Variants in NLGN4X observed in about 807,000 individuals in gnomAD.
The protein encoded by NLGN4X is neuroligin-4, X-linked.
A neutral mutation model predicts 40.3 loss-of-function variants in NLGN4X; 3 were observed. The observed-to-expected ratio is 0.07, with a 90% CI of 0.03 to 0.19. The LOEUF (loss-of-function observed/expected upper bound fraction) is 0.19, where lower values mean the gene tolerates loss of function less well. Ranked by LOEUF, NLGN4X falls within the 10% of genes least tolerant of loss-of-function variation. NLGN4X has a pLI of 1.00. For synonymous variants in NLGN4X, 270 were observed against 306.8 expected (o/e 0.88, Z 1.25); for missense variants, 382 against 708.3 (o/e 0.54, Z 5.23).
intron 1 of NLGN4X, among the ~76,000 whole-genome samples, chrX:6,213,652 G>A (rs762040451): frequency 9.8e-5 from 11 of 112,248 alleles, no homozygotes; most frequent in African/African-American, 3.2e-4. Context: ...AAACAGTAGC[G>A]CACAAATGTC....
At chrX:6,225,860 A>G (rs2147920876) in intron 1 of NLGN4X, among the ~76,000 whole-genome samples, 1 of 99,949 alleles carries the variant, frequency 1.0e-5, no homozygotes, top group African/African-American at 3.7e-5. Flanking sequence ...AAAGCATAAG[A>G]TAAGAGCAAC....
At chrX:6,081,564 T>C (rs1038994173) in intron 2 of NLGN4X, among the ~76,000 whole-genome samples, 3 of 112,258 alleles carry the variant, frequency 2.7e-5, no homozygotes, top group African/African-American at 6.5e-5. Context: ...ACTGGCCTGC[T>C]TGACAAAGGG....
rs143853403 is a variant in NLGN4X at position 6,079,528 on chromosome X, T to C, written c.473-50096A>G. On this transcript the variant is annotated intron_variant, in intron 2 of 5. Coordinates refer to ENST00000381095, the MANE Select transcript of NLGN4X (RefSeq NM_181332.3). The stretch of plus-strand genomic sequence containing the variant: ...TCCTAAGACCACCTTCCCTATTTTA[T>C]ATGCTTGAGCCTGTCTTTACTTTTT... Among the ~76,000 whole-genome samples, 98 of 112,223 alleles carry C rather than the reference T, an allele frequency of 8.7e-4. No homozygotes were observed. The East Asian group carries it at 0.026, about 30-fold the overall frequency.
intron 2 of NLGN4X, among the ~76,000 whole-genome samples, chrX:6,102,673 T>TAC (rs752673839): frequency 3.1e-3 from 345 of 110,883 alleles, no homozygotes; most frequent in African/African-American, 9.1e-3. Context: ...CATACATACA[T>TAC]AGACAGATAG....
chrX:5,908,340 GAATT>G (rs1468894908), intron 4 of NLGN4X, among the ~76,000 whole-genome samples: 1 of 110,727 alleles, frequency 9.0e-6, no homozygotes, highest in African/African-American at 3.3e-5. Context: ...AAGATTTAAA[GAATT>G]AATATGAATT....
chrX:5,952,433 C>A (rs2034343943), intron 3 of NLGN4X, among the ~76,000 whole-genome samples: 1 of 109,096 alleles, frequency 9.2e-6, no homozygotes, highest in African/African-American at 3.4e-5. Context: ...TTACGTAAGA[C>A]CCTCTATGGC....
chrX:6,145,996 T>C (rs761133777), intron 2 of NLGN4X, among the ~76,000 whole-genome samples: 2 of 109,607 alleles, frequency 1.8e-5, no homozygotes, highest in East Asian at 5.8e-4. Context: ...GCACCTGTAG[T>C]CCCAGCTACT....
intron 2 of NLGN4X, among the ~76,000 whole-genome samples, chrX:6,093,124 C>T (rs1000729243): frequency 9.0e-6 from 1 of 111,219 alleles, no homozygotes; most frequent in Non-Finnish European, 1.9e-5. Context: ...AAATTTTAGC[C>T]CTTGCCAAAG....
intron 2 of NLGN4X, among the ~76,000 whole-genome samples, chrX:6,140,557 A>C (rs1476386346): frequency 9.1e-6 from 1 of 109,853 alleles, no homozygotes; most frequent in African/African-American, 3.3e-5. Context: ...AGATACGTAA[A>C]GTCTAACAAG....
At chrX:6,159,407 G>C (rs1301916963) in intron 1 of NLGN4X, among the ~76,000 whole-genome samples, 1 of 111,997 alleles carries the variant, frequency 8.9e-6, no homozygotes, top group Non-Finnish European at 1.9e-5. Flanking sequence ...TTATGACTAT[G>C]ATTATTTTAC....
At chrX:5,938,648 C>G (rs1405985434) in intron 3 of NLGN4X, among the ~76,000 whole-genome samples, 1 of 110,636 alleles carries the variant, frequency 9.0e-6, no homozygotes, top group Admixed American at 9.7e-5. Flanking sequence ...AAGCAATGGT[C>G]AAAGGCCATG....
Position 5,893,090 on chromosome X carries a change from G to A in NLGN4X, c.2178C>T (p.Asn726=), listed in dbSNP as rs187221748. 7.4e-5 allele frequency: 90 copies of A among 1,209,509 alleles called. No homozygotes were observed. The highest frequency in any genetic ancestry group is 6.9e-4 in the Middle Eastern group (3 of 4,349). The change falls in exon 6 of 6, where the codon AAC becomes AAT. Residue 726 remains asparagine, a synonymous_variant. Transcript: ENST00000381095. ...TCATCTGCAGAGACATGATCTCTTC[G>A]TTCTGGATGTGAGCGATATCATTTG... ...NTTNDIAHIQ[N]EEIMSLQMKQ...
rs139838028 is a variant in NLGN4X, at chrX:6,157,459, C to T, written c.-305-5688G>A. 6.1e-3 allele frequency among the ~76,000 whole-genome samples: 678 copies of T among 111,877 alleles called. 5 individuals are homozygous for T. Among genetic ancestry groups the T allele is most frequent in the African/African-American group, 0.021 (649 of 30,791 alleles). ...AGTAAACTATGTGGACAGAAAGATCCTACACCGACCAAAGAAATAAGACAA... is the reference window on the plus strand; with the variant it reads ...AGTAAACTATGTGGACAGAAAGATCTTACACCGACCAAAGAAATAAGACAA... On this transcript the variant is annotated intron_variant, in intron 1 of 5. Transcript: ENST00000381095.
At chrX:5,974,946 C>T (rs1212740646) in intron 3 of NLGN4X, among the ~76,000 whole-genome samples, 1 of 111,755 alleles carries the variant, frequency 8.9e-6, no homozygotes, top group Non-Finnish European at 1.9e-5. Flanking sequence ...AGTACCATGA[C>T]AGATGATCTG....
At chrX:6,130,894 C>A (rs2039664945) in intron 2 of NLGN4X, among the ~76,000 whole-genome samples, 1 of 111,594 alleles carries the variant, frequency 9.0e-6, no homozygotes. Flanking sequence ...CATTTTTGTG[C>A]CAACTGTATA....
chrX:5,975,061 G>C (rs1240269046), intron 3 of NLGN4X, among the ~76,000 whole-genome samples: 1 of 111,567 alleles, frequency 9.0e-6, no homozygotes, highest in African/African-American at 3.3e-5. Context: ...GATTGGGAGG[G>C]AGCAGGACTG....
chrX:6,123,096 T>C (rs2039460596), intron 2 of NLGN4X, among the ~76,000 whole-genome samples: 1 of 108,027 alleles, frequency 9.3e-6, no homozygotes. Context: ...TTTCCCAGAA[T>C]GAAAGAAAAA....
At chrX:6,083,466 A>T (rs1482182935) in intron 2 of NLGN4X, among the ~76,000 whole-genome samples, 10 of 112,227 alleles carry the variant, frequency 8.9e-5, no homozygotes, top group Non-Finnish European at 1.9e-4. Flanking sequence ...TGAACTAAGA[A>T]AGATTGGAAT....
chrX:5,966,290 AG>A (rs2034831103), intron 3 of NLGN4X, among the ~76,000 whole-genome samples: 1 of 112,693 alleles, frequency 8.9e-6, no homozygotes, highest in Non-Finnish European at 1.9e-5. Context: ...ACAGACTATG[AG>A]TATGAATATG....
Sources: allele counts gnomAD v4.1 joint callset (sites outside exome capture counted in the v4.1 genomes callset), GRCh38; gene constraint gnomAD v4.1.1; transcripts MANE v1.5; gene names NCBI Gene and HGNC (gene_info 2026-07-23, HGNC 2026-07-21).